The following DNAAF9 variants were observed in gnomAD, a reference collection of about 807,000 sequenced individuals.
DNAAF9 encodes dynein axonemal assembly factor 9, also known as shulin.
A neutral mutation model predicts 167.0 loss-of-function variants in DNAAF9; 90 were observed. The observed-to-expected ratio is 0.54, with a 90% CI of 0.45 to 0.64. The LOEUF is 0.64. Among genes scored for constraint, DNAAF9 ranks in the 30% least tolerant of loss-of-function variants. The pLI, the probability that DNAAF9 is intolerant of heterozygous loss-of-function variation, is 0.00. For synonymous variants in DNAAF9, 491 were observed against 508.8 expected (o/e 0.96, Z 0.47); for missense variants, 1,315 against 1,442.2 (o/e 0.91, Z 1.43).
At chr20:3,316,327 T>C (rs139531727) in intron 18 of DNAAF9, among the ~76,000 whole-genome samples, 1 of 152,236 alleles carries the variant, frequency 6.6e-6, no homozygotes, top group African/African-American at 2.4e-5. Context: ...AGCAGAGAGA[T>C]GTTGCAGTAA....
chr20:3,365,731 T>TA (rs2083425577), intron 6 of DNAAF9, among the ~76,000 whole-genome samples: 2 of 152,288 alleles, frequency 1.3e-5, no homozygotes, highest in South Asian at 2.1e-4. Context: ...TTTTCAAAAT[T>TA]AGAGTCAATT....
At chr20:3,301,507 CTTAAT>C (rs1165290659) in intron 21 of DNAAF9, among the ~76,000 whole-genome samples, 1 of 152,028 alleles carries the variant, frequency 6.6e-6, no homozygotes, top group East Asian at 1.9e-4. Flanking sequence ...GTTTTTAAAA[CTTAAT>C]TTATCATCAC....
At chr20:3,333,019 G>C (rs2069869643) in intron 10 of DNAAF9, among the ~76,000 whole-genome samples, 1 of 151,598 alleles carries the variant, frequency 6.6e-6, no homozygotes, top group Non-Finnish European at 1.5e-5. Flanking sequence ...GATTCAGAAG[G>C]AAAAAGGAAG....
chr20:3,270,710 A>C (rs2326084), intron 29 of DNAAF9, 148 bp from the exon 30 acceptor site: 298,988 of 608,442 alleles, frequency 0.49, 74,678 homozygotes, highest in East Asian at 0.55. Context: ...TACCAACATA[A>C]ACAGCTATCA....
intron 6 of DNAAF9, chr20:3,362,460 T>C: frequency 2.5e-6 from 1 of 393,108 alleles, no homozygotes; most frequent in Non-Finnish European, 4.4e-6. Flanking sequence ...TTAGAAGTAC[T>C]AACAGCTTCA....
At chr20:3,288,988 T>C (rs959611350) in intron 26 of DNAAF9, among the ~76,000 whole-genome samples, 10 of 152,200 alleles carry the variant, frequency 6.6e-5, no homozygotes, top group African/African-American at 2.4e-4. Context: ...ACATGGTTTA[T>C]TCCTTAAAGT....
intron 29 of DNAAF9, among the ~76,000 whole-genome samples, chr20:3,277,295 G>A (rs150593116): frequency 2.3e-4 from 35 of 152,178 alleles, no homozygotes; most frequent in Admixed American, 1.1e-3. Context: ...ATTAGACATC[G>A]TGGATCTCTT....
At position 3,278,957 on chromosome 20, in the gene DNAAF9, G is replaced by GA. The variant is rs771863763; in HGVS notation, c.2613-9dup. Reference sequence around the variant, plus strand: ...CATTTAGGAAAGAGAAATCTAGGGGGAAAAAAGGGGGAAATATTTAAAAAC... The same window carrying GA: ...CATTTAGGAAAGAGAAATCTAGGGGGAAAAAAAGGGGGAAATATTTAAAAAC... On this transcript the variant is annotated splice_polypyrimidine_tract_variant and intron_variant, in intron 28 of 36. Coordinates refer to ENST00000252032, the MANE Select transcript of DNAAF9 (RefSeq NM_001009984.3). 17 of 1,578,442 alleles carry GA rather than the reference G, an allele frequency of 1.1e-5. No homozygotes were observed. In the East Asian group the frequency reaches 2.0e-4, roughly 19 times the overall value.
intron 29 of DNAAF9, among the ~76,000 whole-genome samples, chr20:3,276,885 T>C (rs1359126658): frequency 6.6e-6 from 1 of 152,188 alleles, no homozygotes; most frequent in Admixed American, 6.5e-5. Flanking sequence ...CAACTTCACC[T>C]GCTTCCAACT....
At chr20:3,297,762 A>T (rs2069107324) in intron 22 of DNAAF9, among the ~76,000 whole-genome samples, 1 of 152,300 alleles carries the variant, frequency 6.6e-6, no homozygotes, top group South Asian at 2.1e-4. Flanking sequence ...AATAAGAGAT[A>T]ACTCTAATTA....
intron 31 of DNAAF9, among the ~76,000 whole-genome samples, chr20:3,263,070 C>A (rs1046622163): frequency 1.3e-5 from 2 of 149,034 alleles, no homozygotes; most frequent in African/African-American, 5.0e-5. Context: ...CACCTCCCAG[C>A]TTCACACCAT....
intron 33 of DNAAF9, among the ~76,000 whole-genome samples, chr20:3,257,723 A>G (rs1393598131): frequency 6.7e-6 from 1 of 149,736 alleles, no homozygotes; most frequent in African/African-American, 2.5e-5. Context: ...TTTTTTTTTG[A>G]GACAGAGTTT....
intron 3 of DNAAF9, among the ~76,000 whole-genome samples, chr20:3,376,705 T>C (rs915409141): frequency 2.0e-5 from 3 of 152,216 alleles, no homozygotes; most frequent in Admixed American, 2.0e-4. Context: ...TTTCGTGTCA[T>C]ATAGGTGGAT....
chr20:3,302,276 T>G (rs901727925), intron 21 of DNAAF9, among the ~76,000 whole-genome samples: 1 of 152,192 alleles, frequency 6.6e-6, no homozygotes, highest in Non-Finnish European at 1.5e-5. Flanking sequence ...ATACATAATA[T>G]GCACATATTT....
intron 27 of DNAAF9, among the ~76,000 whole-genome samples, chr20:3,284,988 CT>C: frequency 6.6e-6 from 1 of 152,166 alleles, no homozygotes; most frequent in Middle Eastern, 3.4e-3. Context: ...TTGTGTTGCC[CT>C]TTTATAAACA....
chr20:3,287,861 T>A, intron 26 of DNAAF9, 71 bp from the exon 27 acceptor site: 2 of 1,355,506 alleles, frequency 1.5e-6, no homozygotes, highest in South Asian at 2.4e-5. Context: ...CAGCCATGGA[T>A]TCAAATGTGA....
At chr20:3,388,266 T>A (rs1399824769) in intron 1 of DNAAF9, among the ~76,000 whole-genome samples, 1 of 152,108 alleles carries the variant, frequency 6.6e-6, no homozygotes, top group East Asian at 1.9e-4. Flanking sequence ...CATCAAGGAT[T>A]TGGAGAAATT....
chr20:3,318,330 G>C lies in DNAAF9; in HGVS notation c.1427C>G (p.Ser476Cys), dbSNP rs2069547263. Reference sequence around the variant, plus strand: ...GATCTGAGAAGTCAAAAATGATTCAGAGAAAACCACAGATCCTAAACAACC... The same window carrying C: ...GATCTGAGAAGTCAAAAATGATTCACAGAAAACCACAGATCCTAAACAACC... Reference protein sequence around the residue: ...GNGCLGSVVFSESFLTSQILV... With the variant: ...GNGCLGSVVFCESFLTSQILV... Residue 476 changes from serine to cysteine, a missense_variant, in exon 17 of 37, where the codon TCT (serine) becomes TGT (cysteine). Ser to Cys is a moderately radical substitution (Grantham distance 112). Around this residue, in one of 2 missense-constraint regions of DNAAF9, gnomAD observed 981 missense variants for 1,012.5 expected, o/e 0.97. Transcript: ENST00000252032. 1.3e-6 allele frequency: 2 copies of C among 1,598,870 alleles called. No homozygotes were observed. Among genetic ancestry groups the C allele is most frequent in the Middle Eastern group, 3.3e-4 (2 of 6,022 alleles).
chr20:3,394,949 CTTTTTTTTTTTTTTTTTTTTTTTTT>C (rs10522445), intron 1 of DNAAF9, among the ~76,000 whole-genome samples: 2 of 102,132 alleles, frequency 2.0e-5, no homozygotes, highest in East Asian at 3.1e-4. Flanking sequence ...TTTCTTTTTT[CTTTTTTTTTTTTTTTTTTTTTTTTT>C]TTTTTTTTTT....
Sources: gnomAD v4.1 joint callset for allele counts (sites outside exome capture counted in the v4.1 genomes callset) on GRCh38, gnomAD v4.1.1 for gene constraint, gnomAD v4.1.1 regional missense constraint, MANE v1.5 for transcripts, NCBI Gene and HGNC (gene_info 2026-07-23, HGNC 2026-07-21) for gene names.